The following MEGF8 variants were observed in gnomAD, a reference collection of about 807,000 sequenced individuals.
The protein encoded by MEGF8 is multiple epidermal growth factor-like domains protein 8.
In MEGF8, 156 loss-of-function variants were observed where a neutral mutation model predicts 302.9. The ratio of observed to expected loss-of-function variants is 0.52; its 90% CI spans 0.45 to 0.59. MEGF8 has a LOEUF of 0.59. Ranked by LOEUF, MEGF8 falls within the 20% of genes least tolerant of loss-of-function variation. MEGF8 has a pLI of 0.00. For synonymous variants in MEGF8, 1,621 were observed against 1,660.5 expected, an observed-to-expected ratio of 0.98 and a Z score of 0.58; for missense variants, 3,345 against 3,964.5, an observed-to-expected ratio of 0.84 and a Z score of 4.20.
In MEGF8 at chr19:42,375,301, CAGTGCTGGAGTGCCAGGTCCTGGCA is replaced by C. The variant is rs2039749684; in HGVS notation, c.7270-203_7270-179del. On this transcript the variant is annotated intron_variant, in intron 41 of 41. Transcript: ENST00000251268. The surrounding 1 kb of genome is among the most constrained non-coding windows in gnomAD (Gnocchi z 7.1). ...GTCACTAGGGTGGCACCAGGGGCAG[CAGTGCTGGAGTGCCAGGTCCTGGCA>C]AGGTCTACACTGTGGCAGAGAAGGT... Among the ~76,000 whole-genome samples the C allele has an allele frequency of 6.6e-6, 1 of 152,182 alleles. No homozygotes were observed. The highest frequency in any genetic ancestry group is 1.5e-5 in the Non-Finnish European group (1 of 68,018).
At position 42,370,716 on chromosome 19, in the gene MEGF8, A is replaced by T; in HGVS notation, c.7021A>T (p.Thr2341Ser). Residue 2341 changes from threonine (T) to serine (S), a missense_variant, in exon 40 of 42, where the codon ACA becomes TCA. By Grantham distance (58) the Thr-to-Ser change is moderately conservative (BLOSUM62 1). Coordinates refer to ENST00000251268, the MANE Select transcript of MEGF8 (RefSeq NM_001271938.2). ...CCTTGGCCAGATTGAAAACTGGGTG[A>T]CAGAGGGTCCTAGTGAAGACGAGGC... ...LDPEEIENWV[T>S]EGPSEDEAVC... 6.3e-7 allele frequency: 1 copy of T among 1,593,248 alleles called. No individual in the cohort carries two copies. Among genetic ancestry groups the T allele is most frequent in the East Asian group, 2.3e-5 (1 of 44,046 alleles).
intron 41 of MEGF8, among the ~76,000 whole-genome samples, chr19:42,372,068 ACAACAAACAC>A (rs1202086411): frequency 6.9e-6 from 1 of 145,842 alleles, no homozygotes; most frequent in Non-Finnish European, 1.5e-5. Flanking sequence ...AACAACAACA[ACAACAAACAC>A]ACACACACAC....
In MEGF8 at chr19:42,344,109, T is replaced by C. The variant is rs764472188; in HGVS notation, c.1788+36T>C. 1.7e-5 allele frequency: 28 copies of C among 1,606,820 alleles called. No homozygotes were observed. The South Asian group carries it at 3.0e-4, about 17-fold the overall frequency. On this transcript the variant is annotated intron_variant, in intron 10 of 41. Transcript: ENST00000251268. This position sits in a 1 kb window ranked among gnomAD's most constrained non-coding sequence, Gnocchi z 4.5. Reference sequence around the variant, plus strand: ...GCCCTAGACCCTCTGTTCCCTAGCATAGAGACCTGCCCTCAGTGTCTCCCT... The same window carrying C: ...GCCCTAGACCCTCTGTTCCCTAGCACAGAGACCTGCCCTCAGTGTCTCCCT...
Position 42,344,634 on chromosome 19 carries a change from C to T in MEGF8, c.1934-36C>T, listed in dbSNP as rs1045197233. The T allele has an allele frequency of 2.6e-6, 4 of 1,567,476 alleles. No homozygotes were observed. On this transcript the variant is annotated intron_variant, in intron 11 of 41. Coordinates refer to ENST00000251268, the MANE Select transcript of MEGF8 (RefSeq NM_001271938.2). The surrounding 1 kb of genome is among the most constrained non-coding windows in gnomAD (Gnocchi z 4.5). ...GGCAGGAGGGGGCCAGAGCACTCCA[C>T]ACTGACCCACCGGCCCCCACCCCCT...
intron 41 of MEGF8, among the ~76,000 whole-genome samples, chr19:42,371,943 G>T (rs1003401825): frequency 2.6e-5 from 4 of 151,866 alleles, no homozygotes. Context: ...AATTAGCCTG[G>T]CATGGTGGTG....
chr19:42,330,655 T>C (rs897234222), intron 1 of MEGF8, among the ~76,000 whole-genome samples: 2 of 152,214 alleles, frequency 1.3e-5, no homozygotes, highest in Admixed American at 1.3e-4. Flanking sequence ...AGCCCGGGTC[T>C]GGGCAATGCT....
intron 8 of MEGF8, among the ~76,000 whole-genome samples, chr19:42,338,472 C>A (rs2039163768): frequency 6.6e-6 from 1 of 152,172 alleles, no homozygotes; most frequent in Admixed American, 6.5e-5. Flanking sequence ...GAACTCCTGA[C>A]CTCAGGTGAT....
Position 42,336,597 on chromosome 19 carries a change from AG to A in MEGF8, c.1245-209del, listed in dbSNP as rs1191481032. On this transcript the variant is annotated intron_variant, in intron 6 of 41. Coordinates refer to ENST00000251268, the MANE Select transcript of MEGF8 (RefSeq NM_001271938.2). This position sits in a 1 kb window ranked among gnomAD's most constrained non-coding sequence, Gnocchi z 4.8. ...TCCCACCCATGTATCTATTCAACAG[AG>A]CCCTGCTTGGTGTCCAGCCCTTGCT... is the stretch of plus-strand genomic sequence containing the variant. Among the ~76,000 whole-genome samples the A allele has an allele frequency of 6.6e-6, 1 of 152,196 alleles. No individual in the cohort carries two copies. The highest frequency in any genetic ancestry group is 6.5e-5 in the Admixed American group (1 of 15,278).
At chr19:42,338,100 T>C (rs2039157630) in intron 8 of MEGF8, among the ~76,000 whole-genome samples, 1 of 152,066 alleles carries the variant, frequency 6.6e-6, no homozygotes, top group Non-Finnish European at 1.5e-5. Flanking sequence ...GCCACCATGC[T>C]TGGCCTTTTT....
At chr19:42,339,965 G>A (rs2039189106) in intron 8 of MEGF8, among the ~76,000 whole-genome samples, 1 of 152,190 alleles carries the variant, frequency 6.6e-6, no homozygotes, top group Non-Finnish European at 1.5e-5. Context: ...GACTGAGGCA[G>A]GAGAATTGCT....
intron 35 of MEGF8, among the ~76,000 whole-genome samples, chr19:42,367,641 TC>T (rs2147505101): frequency 6.6e-6 from 1 of 152,296 alleles, no homozygotes; most frequent in South Asian, 2.1e-4. Context: ...TTGCCATTGT[TC>T]CTTTACCTGG....
rs1303988371 is a variant in MEGF8 at position 42,368,388 on chromosome 19, GTGTT to G, written c.6274-61_6274-58del. On this transcript the variant is annotated intron_variant, in intron 35 of 41. Coordinates refer to ENST00000251268, the MANE Select transcript of MEGF8 (RefSeq NM_001271938.2). This position sits in a 1 kb window ranked among gnomAD's most constrained non-coding sequence, Gnocchi z 4.9. Reference sequence around the variant, plus strand: ...TGTGGTCTGGGAAGATACCCAGAATGTGTTTGTTTAAGCTTATTTCCCCATCTCT... The same window carrying G: ...TGTGGTCTGGGAAGATACCCAGAATGTGTTTAAGCTTATTTCCCCATCTCT... 2.3e-5 allele frequency: 32 copies of G among 1,365,128 alleles called. No homozygotes were observed. The Admixed American group carries it at 3.7e-4, about 16-fold the overall frequency. 84.6% of individuals were successfully genotyped at this position (1,365,128 alleles called of 1,614,324 possible).
In MEGF8 at chr19:42,351,925, T is replaced by G. The variant is rs150024422; in HGVS notation, c.3101+164T>G. On this transcript the variant is annotated intron_variant, in intron 18 of 41. Coordinates refer to ENST00000251268, the MANE Select transcript of MEGF8 (RefSeq NM_001271938.2). This position sits in a 1 kb window ranked among gnomAD's most constrained non-coding sequence, Gnocchi z 5.6. Reference sequence around the variant, plus strand: ...GTTTATTTTACCCTCCCGCTCTTTTTTCTCCATTTTTCCTCCTTTTCCGGC... The same window carrying G: ...GTTTATTTTACCCTCCCGCTCTTTTGTCTCCATTTTTCCTCCTTTTCCGGC... Among the ~76,000 whole-genome samples, 334 of 152,298 alleles carry G rather than the reference T, an allele frequency of 2.2e-3. 2 individuals are homozygous for G. The highest frequency in any genetic ancestry group is 7.9e-3 in the African/African-American group (328 of 41,552).
intron 41 of MEGF8, among the ~76,000 whole-genome samples, chr19:42,372,231 T>C (rs540591197): frequency 4.6e-5 from 7 of 152,298 alleles, no homozygotes; most frequent in East Asian, 1.9e-4. Context: ...TTCCTCTGCA[T>C]TGGCTTCATT....
In MEGF8 at chr19:42,376,460, T is replaced by C. The variant is rs750507989; in HGVS notation, c.8223T>C (p.Gly2741=). The change falls in exon 42 of 42, where the codon GGT becomes GGC. Residue 2741 remains glycine (G), a synonymous_variant. Transcript: ENST00000251268. The surrounding 1 kb of genome is among the most constrained non-coding windows in gnomAD (Gnocchi z 8.2). ...FLAPLLLTGA[G]GPWGPMGGGC... ...CACCCCTGCTGCTGACAGGGGCCGG[T>C]GGGCCCTGGGGACCCATGGGAGGGG... 2 of 1,609,200 alleles carry C rather than the reference T, an allele frequency of 1.2e-6. No homozygotes were observed. The highest frequency in any genetic ancestry group is 8.5e-7 in the Non-Finnish European group (1 of 1,178,760).
At chr19:42,362,622 G>C (rs2039548057) in intron 34 of MEGF8, 25 bp downstream of exon 34, 2 of 1,606,956 alleles carry the variant, frequency 1.2e-6, no homozygotes, top group Non-Finnish European at 1.7e-6. Flanking sequence ...TAGTTCCTGA[G>C]AGGGGAGTCT....
intron 8 of MEGF8, among the ~76,000 whole-genome samples, chr19:42,338,825 A>ATTTT (rs55994617): frequency 1.5e-4 from 7 of 47,144 alleles, no homozygotes; most frequent in Non-Finnish European, 2.7e-4. Context: ...CTTTCTATGT[A>ATTTT]TTTTTTTTTT....
intron 8 of MEGF8, 119 bp from the exon 9 acceptor site, chr19:42,343,358 T>G (rs1600030852): frequency 8.9e-7 from 1 of 1,125,146 alleles, no homozygotes; most frequent in Non-Finnish European, 1.2e-6. Context: ...CTTGGGCAGG[T>G]GAGGTTGAAG....
chr19:42,357,421 G>T lies in MEGF8; in HGVS notation c.4848G>T (p.Glu1616Asp). ...WRQEKAPQTV[E>D]LPAVAGHTLT... ...TCCCTCAGGCCCCCCAGACCGTGGA[G>T]CTGCCAGCCGTTGCTGGTCACACCC... Residue 1616 changes from glutamate to aspartate, a missense_variant, in exon 28 of 42, where the codon GAG (glutamate) becomes GAT (aspartate). By Grantham distance (45) the Glu-to-Asp change is conservative. Coordinates refer to ENST00000251268, the MANE Select transcript of MEGF8 (RefSeq NM_001271938.2). This position sits in a 1 kb window ranked among gnomAD's most constrained non-coding sequence, Gnocchi z 5.2. 1 of 1,613,454 alleles carries T rather than the reference G, an allele frequency of 6.2e-7. No homozygotes were observed. Among genetic ancestry groups the T allele is most frequent in the Middle Eastern group, 1.7e-4 (1 of 6,044 alleles).
Sources: allele counts gnomAD v4.1 joint callset (sites outside exome capture counted in the v4.1 genomes callset), GRCh38; gene constraint gnomAD v4.1.1; non-coding constraint Gnocchi (gnomAD v3.1); transcripts MANE v1.5; gene names NCBI Gene and HGNC (gene_info 2026-07-23, HGNC 2026-07-21).